Variants in KCNN3 observed in about 807,000 individuals in gnomAD.
KCNN3 encodes the protein potassium calcium-activated channel subfamily N member 3.
KCNN3 carries 16 observed loss-of-function variants against 62.9 expected under a neutral mutation model. The ratio of observed to expected loss-of-function variants is 0.25; its 90% CI spans 0.17 to 0.39. The LOEUF is 0.39. Ranked by LOEUF, KCNN3 falls within the 10% of genes least tolerant of loss-of-function variation. KCNN3 has a pLI of 1.00. For missense variants in KCNN3, 599 were observed against 949.4 expected (o/e 0.63, Z 4.85); for synonymous variants, 370 against 389.2 (o/e 0.95, Z 0.58).
In KCNN3 at chr1:154,737,208, G is replaced by GT; in HGVS notation, c.1449-4065_1449-4064insA. The GT allele has an allele frequency of 2.7e-5, 3 of 111,896 alleles. 1 individual carries two copies. The highest frequency in any genetic ancestry group is 1.9e-4 in the East Asian group (1 of 5,244). 6.9% of individuals were successfully genotyped at this position (111,896 alleles called of 1,614,324 possible). On this transcript the variant is annotated intron_variant, in intron 3 of 7. Coordinates refer to ENST00000271915, the MANE Select transcript of KCNN3 (RefSeq NM_002249.6). The stretch of plus-strand genomic sequence containing the variant: ...GCTATTTTTTGCAATAGAAAATTTG[G>GT]GGGGGGGGGATAGCTCCATGTTTTT...
intron 2 of KCNN3, among the ~76,000 whole-genome samples, chr1:154,810,188 G>A (rs567126519): frequency 8.5e-5 from 13 of 152,248 alleles, no homozygotes; most frequent in East Asian, 1.9e-4. Flanking sequence ...GAATATGGGC[G>A]GGGAAACAGG....
intron 2 of KCNN3, among the ~76,000 whole-genome samples, chr1:154,790,238 C>T (rs1471772597): frequency 1.3e-5 from 2 of 152,202 alleles, no homozygotes; most frequent in African/African-American, 2.4e-5. Flanking sequence ...GCCAAGAACA[C>T]TTGCTTTTAA....
intron 3 of KCNN3, among the ~76,000 whole-genome samples, chr1:154,752,418 T>C (rs987636356): frequency 1.3e-5 from 2 of 152,186 alleles, no homozygotes; most frequent in African/African-American, 2.4e-5. Context: ...GGAGTGATGT[T>C]CAGTCTGGAC....
At chr1:154,778,512 A>G (rs1264919387) in intron 2 of KCNN3, among the ~76,000 whole-genome samples, 1 of 152,088 alleles carries the variant, frequency 6.6e-6, no homozygotes, top group Non-Finnish European at 1.5e-5. Flanking sequence ...AAAAGGCCAC[A>G]GATTCCTCCC....
chr1:154,760,358 G>C (rs1000664518), intron 3 of KCNN3, among the ~76,000 whole-genome samples: 10 of 150,252 alleles, frequency 6.7e-5, no homozygotes, highest in African/African-American at 2.5e-4. Context: ...GGCTGAATAC[G>C]AGATCACAGA....
intron 2 of KCNN3, among the ~76,000 whole-genome samples, chr1:154,808,691 C>T (rs142460019): frequency 1.3e-5 from 2 of 152,232 alleles, no homozygotes; most frequent in Non-Finnish European, 2.9e-5. Flanking sequence ...CTAACAGCAG[C>T]AGGAAGACAA....
At position 154,702,011 on chromosome 1, in the gene KCNN3, C is replaced by T. The variant is rs1003116285; in HGVS notation, c.*5965G>A. On this transcript the variant is annotated 3_prime_UTR_variant, in exon 8 of 8. Transcript: ENST00000271915. ...AGAGCCTGAACTTTTATTAAACTGG[C>T]TTTGCAGAGCTACTAAAGGAGTGAT... The T allele has an allele frequency of 2.6e-5, 4 of 152,160 alleles. No homozygotes were observed. The highest frequency in any genetic ancestry group is 9.7e-5 in the African/African-American group (4 of 41,430). 9.4% of individuals were successfully genotyped at this position (152,160 alleles called of 1,614,324 possible).
chr1:154,717,649 G>A (rs1200137287), intron 5 of KCNN3, among the ~76,000 whole-genome samples: 2 of 151,920 alleles, frequency 1.3e-5, no homozygotes, highest in African/African-American at 4.8e-5. Context: ...GTAAGATACT[G>A]AAGTCACAGC....
At chr1:154,739,337 T>C (rs1700779303) in intron 3 of KCNN3, among the ~76,000 whole-genome samples, 1 of 152,222 alleles carries the variant, frequency 6.6e-6, no homozygotes, top group African/African-American at 2.4e-5. Flanking sequence ...GAACTCACCA[T>C]CCAGCTCCAA....
At chr1:154,745,244 G>T (rs1259681776) in intron 3 of KCNN3, among the ~76,000 whole-genome samples, 1 of 152,190 alleles carries the variant, frequency 6.6e-6, no homozygotes, top group Non-Finnish European at 1.5e-5. Flanking sequence ...CTAACAGCAT[G>T]GTGCAAGGCC....
chr1:154,755,610 G>A (rs1209806635), intron 3 of KCNN3, among the ~76,000 whole-genome samples: 1 of 111,208 alleles, frequency 9.0e-6, no homozygotes, highest in Non-Finnish European at 1.8e-5. Flanking sequence ...GGAGGGGGAG[G>A]GAGGGAGGGA....
At chr1:154,756,195 G>A (rs542458738) in intron 3 of KCNN3, among the ~76,000 whole-genome samples, 1 of 33,450 alleles carries the variant, frequency 3.0e-5, no homozygotes, top group Non-Finnish European at 7.3e-5. Context: ...GATGGGGAGG[G>A]GAGGAGGAGG....
chr1:154,842,625 A>G, intron 1 of KCNN3, among the ~76,000 whole-genome samples: 1 of 48,528 alleles, frequency 2.1e-5, no homozygotes, highest in Non-Finnish European at 4.1e-5. Flanking sequence ...TGGCTCATTC[A>G]GGGACCCCCC....
chr1:154,766,399 T>A (rs917262664), intron 3 of KCNN3, among the ~76,000 whole-genome samples: 3 of 136,066 alleles, frequency 2.2e-5, no homozygotes, highest in Non-Finnish European at 4.7e-5. Flanking sequence ...ATCCATTTAT[T>A]AAATACTAGC....
chr1:154,774,497 A>G (rs916268044), intron 2 of KCNN3, among the ~76,000 whole-genome samples: 1 of 152,198 alleles, frequency 6.6e-6, no homozygotes, highest in Non-Finnish European at 1.5e-5. Flanking sequence ...AGCTCCGATG[A>G]TTTGATTCTT....
At chr1:154,833,693 C>T (rs1651468977) in intron 1 of KCNN3, among the ~76,000 whole-genome samples, 1 of 152,186 alleles carries the variant, frequency 6.6e-6, no homozygotes, top group Non-Finnish European at 1.5e-5. Flanking sequence ...GGTGTTCTGC[C>T]ACATCCTCAC....
chr1:154,729,633 T>C (rs972030048), intron 4 of KCNN3, among the ~76,000 whole-genome samples: 12 of 152,244 alleles, frequency 7.9e-5, no homozygotes, highest in Admixed American at 7.2e-4. Flanking sequence ...CAAATGAAAG[T>C]GACAAATGGA....
chr1:154,801,093 G>A (rs955460224), intron 2 of KCNN3, among the ~76,000 whole-genome samples: 10 of 151,038 alleles, frequency 6.6e-5, no homozygotes, highest in African/African-American at 1.7e-4. Flanking sequence ...TCCAGCCTCC[G>A]TCCTCCTTTC....
At chr1:154,847,159 GTGC>G (rs1652105200) in intron 1 of KCNN3, among the ~76,000 whole-genome samples, 1 of 151,870 alleles carries the variant, frequency 6.6e-6, no homozygotes, top group Admixed American at 6.6e-5. Flanking sequence ...TGCCAGGCAC[GTGC>G]TGCTGCTTTC....
Sources: gnomAD v4.1 joint callset for allele counts (sites outside exome capture counted in the v4.1 genomes callset) on GRCh38, gnomAD v4.1.1 for gene constraint, MANE v1.5 for transcripts, NCBI Gene and HGNC (gene_info 2026-07-23, HGNC 2026-07-21) for gene names.